DLG1: variants seen among roughly 807,000 people sequenced by gnomAD.
DLG1 encodes the protein discs large MAGUK scaffold protein 1.
Under a neutral mutation model 123.4 loss-of-function variants are expected in DLG1, and 42 were observed. The ratio of observed to expected loss-of-function variants is 0.34; its 90% confidence interval spans 0.27 to 0.44. The LOEUF (loss-of-function observed/expected upper bound fraction) is 0.44, where lower values mean the gene tolerates loss of function less well. DLG1 is among the 20% of genes least tolerant of loss of function. The probability of loss-of-function intolerance (pLI) is 1.00; values close to 1 mark genes in which losing one functional copy is unlikely to be tolerated. For missense variants in DLG1, 942 were observed against 1,082.6 expected, an observed-to-expected ratio of 0.87 and a Z score of 1.82; for synonymous variants, 317 against 356.2, an observed-to-expected ratio of 0.89 and a Z score of 1.24.
At chr3:197,198,810 A>G (rs932160097) in intron 4 of DLG1, among the ~76,000 whole-genome samples, 3 of 152,232 alleles carry the variant, frequency 2.0e-5, no homozygotes, top group African/African-American at 7.2e-5. Context: ...GGGAACTCTC[A>G]TACATTACTG....
chr3:197,116,658 T>C (rs1773472000), intron 12 of DLG1, among the ~76,000 whole-genome samples: 1 of 152,074 alleles, frequency 6.6e-6, no homozygotes, highest in Admixed American at 6.5e-5. Context: ...CAAAGCATCT[T>C]TGCTACCTTC....
chr3:197,125,764 G>A (rs1369318223), intron 11 of DLG1, among the ~76,000 whole-genome samples: 3 of 152,200 alleles, frequency 2.0e-5, no homozygotes, highest in East Asian at 3.9e-4. Context: ...AATCATTAGT[G>A]TGGTTTTTGG....
chr3:197,184,180 A>T, intron 5 of DLG1: 1 of 962,946 alleles, frequency 1.0e-6, no homozygotes, highest in Middle Eastern at 5.2e-4. Flanking sequence ...GCAGGTAAAG[A>T]AGGATGCTAT....
chr3:197,098,842 C>G (rs1579131981), intron 14 of DLG1, among the ~76,000 whole-genome samples: 1 of 152,178 alleles, frequency 6.6e-6, no homozygotes, highest in Non-Finnish European at 1.5e-5. Context: ...AAGTCTTTGC[C>G]TTACTCTTAA....
intron 4 of DLG1, among the ~76,000 whole-genome samples, chr3:197,273,993 T>C (rs1359571170): frequency 2.6e-5 from 4 of 152,016 alleles, no homozygotes; most frequent in Non-Finnish European, 4.4e-5. Flanking sequence ...TGTTCATAGA[T>C]TGGAAAAACT....
intron 11 of DLG1, among the ~76,000 whole-genome samples, chr3:197,121,603 G>A (rs1171737999): frequency 6.6e-6 from 1 of 151,736 alleles, no homozygotes; most frequent in Non-Finnish European, 1.5e-5. Context: ...TTATTCCTGA[G>A]TATCATATTT....
At chr3:197,144,075 A>G (rs1482635770) in intron 6 of DLG1, among the ~76,000 whole-genome samples, 3 of 152,202 alleles carry the variant, frequency 2.0e-5, no homozygotes, top group Non-Finnish European at 4.4e-5. Context: ...GATGGCTCAC[A>G]TCTTCCATTC....
intron 5 of DLG1, among the ~76,000 whole-genome samples, chr3:197,177,918 C>A (rs965454888): frequency 6.6e-6 from 1 of 152,086 alleles, no homozygotes; most frequent in African/African-American, 2.4e-5. Context: ...AGGGAAAAGA[C>A]AGACAAACAC....
chr3:197,230,390 A>C (rs1471285255), intron 4 of DLG1, among the ~76,000 whole-genome samples: 1 of 152,224 alleles, frequency 6.6e-6, no homozygotes, highest in Non-Finnish European at 1.5e-5. Flanking sequence ...CAAGAGCAAC[A>C]CCCAACCAAA....
chr3:197,081,196 C>A (rs1750924754), intron 16 of DLG1, 79 bp from the exon 17 acceptor site: 1 of 1,333,330 alleles, frequency 7.5e-7, no homozygotes. Flanking sequence ...GAATTGTTAT[C>A]TTTATAATGG....
intron 4 of DLG1, among the ~76,000 whole-genome samples, chr3:197,241,784 AATTT>A (rs1280541233): frequency 3.9e-5 from 6 of 152,178 alleles, no homozygotes; most frequent in Non-Finnish European, 8.8e-5. Flanking sequence ...TCTTTAAGAT[AATTT>A]GTTATTTTTT....
chr3:197,168,759 CTGT>C (rs1802620584), intron 5 of DLG1, among the ~76,000 whole-genome samples: 1 of 152,132 alleles, frequency 6.6e-6, no homozygotes, highest in African/African-American at 2.4e-5. Flanking sequence ...TAAAGTTTTT[CTGT>C]TGTTGTTTTA....
intron 23 of DLG1, among the ~76,000 whole-genome samples, chr3:197,058,320 C>T (rs774275490): frequency 3.6e-4 from 55 of 152,080 alleles, no homozygotes; most frequent in Non-Finnish European, 6.8e-4. Flanking sequence ...TTCAACTTTC[C>T]TAATATTTGA....
intron 5 of DLG1, among the ~76,000 whole-genome samples, chr3:197,193,060 C>T (rs1300610483): frequency 6.6e-6 from 1 of 151,976 alleles, no homozygotes; most frequent in Non-Finnish European, 1.5e-5. Flanking sequence ...AAAATTTTAA[C>T]CAGTAGTATG....
At chr3:197,195,292 T>A (rs1292149557) in intron 4 of DLG1, among the ~76,000 whole-genome samples, 6 of 143,314 alleles carry the variant, frequency 4.2e-5, no homozygotes, top group African/African-American at 1.0e-4. Flanking sequence ...ATCAATGATT[T>A]AAAAAAAAAA....
rs1002468921 is a variant in DLG1, at chr3:197,212,342, T to C, written c.319-17753A>G. 1.7e-4 allele frequency among the ~76,000 whole-genome samples: 20 copies of C among 116,128 alleles called. 4 individuals carry two copies. The highest frequency in any genetic ancestry group is 3.8e-4 in the Non-Finnish European group (18 of 46,802). 76.2% of individuals were successfully genotyped at this position (116,128 alleles called of 152,430 possible). A position where few individuals can be genotyped will look rare whatever the true frequency, so the allele number is the denominator to read the frequency against. On this transcript the variant is annotated intron_variant, in intron 4 of 24. Coordinates refer to ENST00000667157, the MANE Select transcript of DLG1 (RefSeq NM_001366207.1). Reference sequence around the variant, plus strand: ...AACATTATGCTGGAGGCCCTAATTGTGGCTGGAAGGCAGGCAAAAGAAAGT... The same window carrying C: ...AACATTATGCTGGAGGCCCTAATTGCGGCTGGAAGGCAGGCAAAAGAAAGT...
intron 10 of DLG1, among the ~76,000 whole-genome samples, chr3:197,132,350 G>A (rs1783098386): frequency 6.6e-6 from 1 of 150,446 alleles, no homozygotes; most frequent in Non-Finnish European, 1.5e-5. Flanking sequence ...AAATTACCAT[G>A]TATTAACAAT....
intron 19 of DLG1, 36 bp from the exon 20 acceptor site, chr3:197,066,790 AAAGAT>A: frequency 7.1e-7 from 1 of 1,399,766 alleles, no homozygotes; most frequent in Non-Finnish European, 1.0e-6. Context: ...AAAAATGTGT[AAAGAT>A]AATTGATGCT....
intron 4 of DLG1, among the ~76,000 whole-genome samples, chr3:197,221,728 T>A (rs1299020800): frequency 1.3e-5 from 2 of 152,318 alleles, no homozygotes; most frequent in East Asian, 3.9e-4. Flanking sequence ...ATACTGCCTG[T>A]ATGCATTAGG....
Sources: allele counts gnomAD v4.1 joint callset (sites outside exome capture counted in the v4.1 genomes callset), GRCh38; gene constraint gnomAD v4.1.1; transcripts MANE v1.5; gene names NCBI Gene and HGNC (gene_info 2026-07-23, HGNC 2026-07-21).